Variants in WWOX observed in about 807,000 individuals in gnomAD.
WWOX encodes WW domain-containing oxidoreductase.
WWOX carries 69 observed loss-of-function variants against 46.2 expected under a neutral mutation model. That is an observed-to-expected ratio of 1.49 (90% CI 1.23 to 1.82). WWOX has a LOEUF of 1.82. Ranked by LOEUF, WWOX falls within the 40% of genes most tolerant of loss-of-function variation. The probability of loss-of-function intolerance (pLI) is 0.00; values close to 1 mark genes in which losing one functional copy is unlikely to be tolerated. For synonymous variants in WWOX, 359 were observed against 202.6 expected (o/e 1.77, Z -6.56); for missense variants, 919 against 542.6 (o/e 1.69, Z -6.89).
At chr16:78,378,222 T>C (rs1033096872) in intron 5 of WWOX, among the ~76,000 whole-genome samples, 2 of 152,202 alleles carry the variant, frequency 1.3e-5, no homozygotes, top group Non-Finnish European at 2.9e-5. Flanking sequence ...AGTGTTTGTT[T>C]ATTAAAAGCA....
At position 78,352,102 on chromosome 16, in the gene WWOX, C is replaced by G. The variant is rs117196111; in HGVS notation, c.517-34758C>G. On this transcript the variant is annotated intron_variant, in intron 5 of 8. Coordinates refer to ENST00000566780, the MANE Select transcript of WWOX (RefSeq NM_016373.4). ...GCACAAGAGGGTCAGTGCCCCATCTCAAGGAACAGCTGCACCTCGGCCTAT... is the reference window on the plus strand; with the variant it reads ...GCACAAGAGGGTCAGTGCCCCATCTGAAGGAACAGCTGCACCTCGGCCTAT... Among the ~76,000 whole-genome samples the G allele has an allele frequency of 6.6e-5, 10 of 152,310 alleles. No individual in the cohort carries two copies. In the East Asian group the frequency reaches 1.9e-3, roughly 29 times the overall value.
At chr16:78,405,742 T>C (rs2082513272) in intron 6 of WWOX, among the ~76,000 whole-genome samples, 1 of 152,172 alleles carries the variant, frequency 6.6e-6, no homozygotes, top group Non-Finnish European at 1.5e-5. Flanking sequence ...GCTGGGCTTT[T>C]TATATATTTT....
In WWOX at chr16:78,506,066, C is replaced by G. The variant is rs1024059725; in HGVS notation, c.1056+73314C>G. Among the ~76,000 whole-genome samples, 4 of 152,232 alleles carry G rather than the reference C, an allele frequency of 2.6e-5. No individual in the cohort carries two copies. The South Asian group carries it at 8.3e-4, about 31-fold the overall frequency. ...ATCTTCTGCTGAGTATCGGATTGGT[C>G]TGCGTCCAAGAGCTCCTCGCTTGGC... On this transcript the variant is annotated intron_variant, in intron 8 of 8. Transcript: ENST00000566780.
At chr16:78,649,718 T>A (rs942665175) in intron 8 of WWOX, among the ~76,000 whole-genome samples, 1 of 152,242 alleles carries the variant, frequency 6.6e-6, no homozygotes, top group Non-Finnish European at 1.5e-5. Flanking sequence ...GTTATGTTAT[T>A]ATTTCATGTG....
At chr16:79,055,780 G>T (rs1330748867) in intron 8 of WWOX, among the ~76,000 whole-genome samples, 3 of 152,162 alleles carry the variant, frequency 2.0e-5, no homozygotes, top group African/African-American at 7.2e-5. Flanking sequence ...CAAAGTATAT[G>T]TAGCAACCAA....
chr16:79,080,020 C>T (rs544614466), intron 8 of WWOX, among the ~76,000 whole-genome samples: 1 of 152,286 alleles, frequency 6.6e-6, no homozygotes, highest in Non-Finnish European at 1.5e-5. Flanking sequence ...ATACCACGCA[C>T]TGCTTTAGGC....
At chr16:78,599,526 G>A (rs1334259341) in intron 8 of WWOX, among the ~76,000 whole-genome samples, 1 of 152,214 alleles carries the variant, frequency 6.6e-6, no homozygotes, top group African/African-American at 2.4e-5. Context: ...CTGGTCATGT[G>A]TAGACATGGC....
At chr16:79,127,385 C>G (rs1320735756) in intron 8 of WWOX, among the ~76,000 whole-genome samples, 1 of 152,136 alleles carries the variant, frequency 6.6e-6, no homozygotes, top group African/African-American at 2.4e-5. Flanking sequence ...ACACACCTTG[C>G]TCTTTTTGCT....
At chr16:78,672,765 T>C (rs531517720) in intron 8 of WWOX, among the ~76,000 whole-genome samples, 1 of 152,356 alleles carries the variant, frequency 6.6e-6, no homozygotes, top group Non-Finnish European at 1.5e-5. Context: ...CTGGCATTTG[T>C]ACTGATTATG....
At chr16:78,657,465 T>C (rs1038291652) in intron 8 of WWOX, among the ~76,000 whole-genome samples, 1 of 152,076 alleles carries the variant, frequency 6.6e-6, no homozygotes, top group Admixed American at 6.5e-5. Context: ...GTCCAGGTGG[T>C]TCCCTGCCAC....
chr16:79,154,912 AAATG>A (rs1567586426), intron 8 of WWOX, among the ~76,000 whole-genome samples: 1 of 152,228 alleles, frequency 6.6e-6, no homozygotes, highest in African/African-American at 2.4e-5. Flanking sequence ...GTTTTGGAAA[AAATG>A]AAAGAAAGAA....
intron 8 of WWOX, among the ~76,000 whole-genome samples, chr16:78,650,259 G>C (rs958250945): frequency 2.0e-5 from 3 of 152,124 alleles, no homozygotes; most frequent in African/African-American, 7.2e-5. Context: ...ATTTCTTCAG[G>C]ACTTACTTTG....
At chr16:79,102,763 TG>T (rs1280168932) in intron 8 of WWOX, among the ~76,000 whole-genome samples, 1 of 152,234 alleles carries the variant, frequency 6.6e-6, no homozygotes, top group African/African-American at 2.4e-5. Context: ...AAATTTTATT[TG>T]TTTCATTAAA....
rs149109875 is a variant in WWOX at position 78,806,305 on chromosome 16, T to C, written c.1056+373553T>C. Among the ~76,000 whole-genome samples, 135 of 152,332 alleles carry C rather than the reference T, an allele frequency of 8.9e-4. 1 individual carries two copies. The highest frequency in any genetic ancestry group is 1.7e-3 in the Non-Finnish European group (115 of 68,024). The stretch of plus-strand genomic sequence containing the variant: ...GGAATTGAAGCATTTCCCTATTCTT[T>C]AGAGTTTCATTAAAGTTTGACTATA... On this transcript the variant is annotated intron_variant, in intron 8 of 8. Coordinates refer to ENST00000566780, the MANE Select transcript of WWOX (RefSeq NM_016373.4).
At chr16:79,003,196 A>T (rs531765026) in intron 8 of WWOX, among the ~76,000 whole-genome samples, 1 of 152,366 alleles carries the variant, frequency 6.6e-6, no homozygotes, top group South Asian at 2.1e-4. Flanking sequence ...CTAAGTGCTT[A>T]GTGAGAATCA....
chr16:79,007,108 C>T (rs968089944), intron 8 of WWOX, among the ~76,000 whole-genome samples: 2 of 152,106 alleles, frequency 1.3e-5, no homozygotes, highest in African/African-American at 4.8e-5. Flanking sequence ...GCAGAGAGGT[C>T]ACAATAGCAA....
chr16:78,516,012 C>T (rs1260033336), intron 8 of WWOX, among the ~76,000 whole-genome samples: 1 of 152,076 alleles, frequency 6.6e-6, no homozygotes, highest in East Asian at 1.9e-4. Flanking sequence ...CTCTTCTCTC[C>T]CCTTCCCTGC....
chr16:78,815,926 C>G (rs1409743713), intron 8 of WWOX, among the ~76,000 whole-genome samples: 1 of 152,148 alleles, frequency 6.6e-6, no homozygotes, highest in East Asian at 1.9e-4. Flanking sequence ...CCAACCCATT[C>G]ACTGGCCCTG....
chr16:78,847,683 C>T (rs1219731479), intron 8 of WWOX, among the ~76,000 whole-genome samples: 1 of 151,640 alleles, frequency 6.6e-6, no homozygotes, highest in Non-Finnish European at 1.5e-5. Context: ...ATTTAACTCT[C>T]AGTTTCTTCT....
Sources: allele counts gnomAD v4.1 joint callset (sites outside exome capture counted in the v4.1 genomes callset), GRCh38; gene constraint gnomAD v4.1.1; transcripts MANE v1.5; gene names NCBI Gene and HGNC (gene_info 2026-07-23, HGNC 2026-07-21).